The following RGPD6 variants were observed in gnomAD, a reference collection of about 807,000 sequenced individuals.
RGPD6 encodes RANBP2-like and GRIP domain-containing protein 5/6.
At chr2:110,605,699 G>A in the RGPD6 span, among the ~76,000 whole-genome samples, 11 of 151,262 alleles carry the variant, frequency 7.3e-5, no homozygotes, top group Admixed American at 1.3e-4. Flanking sequence ...AAGCATCAGC[G>A]GGCACTACTG....
the RGPD6 span, among the ~76,000 whole-genome samples, chr2:110,598,576 TC>T: frequency 8.5e-6 from 1 of 118,224 alleles, no homozygotes; most frequent in Non-Finnish European, 1.8e-5. Context: ...AGCACCCTCA[TC>T]CCCTTCTACC....
At chr2:110,593,096 A>T in the RGPD6 span, among the ~76,000 whole-genome samples, 1 of 148,260 alleles carries the variant, frequency 6.7e-6, no homozygotes, top group East Asian at 2.0e-4. Context: ...CACATTTATA[A>T]AGGACTTAAT....
the RGPD6 span, among the ~76,000 whole-genome samples, chr2:110,606,694 G>A: frequency 1.4e-5 from 2 of 146,490 alleles, no homozygotes; most frequent in Non-Finnish European, 3.0e-5. Flanking sequence ...CACCATGAAA[G>A]CCCTTGTTCA....
the RGPD6 span, among the ~76,000 whole-genome samples, chr2:110,600,216 G>A: frequency 2.9e-5 from 3 of 104,160 alleles, no homozygotes; most frequent in Non-Finnish European, 6.3e-5. Flanking sequence ...TGGTAAAAAC[G>A]TGAGACCATC....
the RGPD6 span, among the ~76,000 whole-genome samples, chr2:110,607,855 CCTAA>C: frequency 1.5e-5 from 2 of 136,882 alleles, no homozygotes; most frequent in South Asian, 5.1e-4. Flanking sequence ...GGTATACTTT[CCTAA>C]CTATGGTAGT....
chr2:110,576,891 GCCCCCCCCCT>G (rs1688392808), intron 1 of RGPD6, 52 bp downstream of exon 1: 1 of 693,358 alleles, frequency 1.4e-6, no homozygotes, highest in African/African-American at 4.5e-5. Flanking sequence ...CGCCGCCGCC[GCCCCCCCCCT>G]CCCCCCCCGG....
At chr2:110,593,289 T>G in the RGPD6 span, among the ~76,000 whole-genome samples, 1 of 148,112 alleles carries the variant, frequency 6.8e-6, no homozygotes, top group Non-Finnish European at 1.5e-5. Context: ...AGTGACCCCC[T>G]GAATGAGGGA....
intron 1 of RGPD6, 71 bp downstream of exon 1, chr2:110,576,882 G>A: frequency 1.2e-6 from 1 of 866,914 alleles, no homozygotes; most frequent in African/African-American, 2.7e-5. Flanking sequence ...CGAGGCGGCC[G>A]CCGCCGCCGC....
chr2:110,606,897 T>C, the RGPD6 span, among the ~76,000 whole-genome samples: 1 of 151,700 alleles, frequency 6.6e-6, no homozygotes, highest in African/African-American at 2.4e-5. Context: ...TGTTGAAAAC[T>C]TCCTTTTTCA....
chr2:110,605,320 C>G, the RGPD6 span, among the ~76,000 whole-genome samples: 5 of 151,490 alleles, frequency 3.3e-5, no homozygotes, highest in South Asian at 1.1e-3. Context: ...CCCTCCAGGC[C>G]CATGCTGAGG....
the RGPD6 span, among the ~76,000 whole-genome samples, chr2:110,589,600 A>G: frequency 6.9e-6 from 1 of 145,564 alleles, no homozygotes; most frequent in East Asian, 2.2e-4. Flanking sequence ...AGAACGCCCT[A>G]CAGGCACTGA....
At chr2:110,600,048 C>T in the RGPD6 span, among the ~76,000 whole-genome samples, 6 of 152,122 alleles carry the variant, frequency 3.9e-5, no homozygotes, top group African/African-American at 1.2e-4. Flanking sequence ...AAAAACTCAG[C>T]AGGCTCCAAG....
the RGPD6 span, chr2:110,610,843 G>T: frequency 1.9e-6 from 2 of 1,027,542 alleles, no homozygotes; most frequent in Non-Finnish European, 2.3e-6. Context: ...CCGCCCGCGC[G>T]CTGCGACGAA....
chr2:110,603,859 C>T, the RGPD6 span, among the ~76,000 whole-genome samples: 1 of 149,312 alleles, frequency 6.7e-6, no homozygotes, highest in South Asian at 2.1e-4. Context: ...ACTTAAGGCC[C>T]CTATCATATC....
the RGPD6 span, chr2:110,611,042 G>T: frequency 2.1e-6 from 2 of 961,532 alleles, no homozygotes; most frequent in East Asian, 1.3e-4. Context: ...CCGCGCCGCC[G>T]CCGCCACCGC....
At chr2:110,600,893 C>G in the RGPD6 span, among the ~76,000 whole-genome samples, 1 of 136,582 alleles carries the variant, frequency 7.3e-6, no homozygotes, top group Non-Finnish European at 1.6e-5. Flanking sequence ...CCTAACAGGC[C>G]CCGGACCAAT....
chr2:110,576,891 G>GCC (rs1196849287), intron 1 of RGPD6, 62 bp downstream of exon 1: 1 of 693,378 alleles, frequency 1.4e-6, no homozygotes, highest in African/African-American at 4.5e-5. Flanking sequence ...CGCCGCCGCC[G>GCC]CCCCCCCCCT....
the RGPD6 span, among the ~76,000 whole-genome samples, chr2:110,604,737 A>T: frequency 6.7e-6 from 1 of 149,774 alleles, no homozygotes; most frequent in Admixed American, 6.6e-5. Context: ...CCACTTACAC[A>T]CAAAATCTTG....
chr2:110,605,145 C>A, the RGPD6 span, among the ~76,000 whole-genome samples: 1 of 151,972 alleles, frequency 6.6e-6, no homozygotes, highest in Non-Finnish European at 1.5e-5. Flanking sequence ...ACGCCCCACA[C>A]GAGGGCTGAG....
Sources: gnomAD v4.1 joint callset for allele counts (sites outside exome capture counted in the v4.1 genomes callset) on GRCh38, gnomAD v4.1.1 for gene constraint, MANE v1.5 for transcripts, NCBI Gene and HGNC (gene_info 2026-07-23, HGNC 2026-07-21) for gene names.